The following KDM4C variants were observed in gnomAD, a reference collection of about 807,000 sequenced individuals.
KDM4C encodes lysine demethylase 4C.
In KDM4C, 81 loss-of-function variants were observed where a neutral mutation model predicts 129.3. The observed-to-expected ratio is 0.63, with a 90% CI of 0.52 to 0.75. KDM4C has a LOEUF of 0.75. Ranked by LOEUF, KDM4C falls within the 30% of genes least tolerant of loss-of-function variation. The probability of loss-of-function intolerance (pLI) is 0.00; values close to 1 mark genes in which losing one functional copy is unlikely to be tolerated. For missense variants in KDM4C, 1,457 were observed against 1,304.0 expected (o/e 1.12, Z -1.81); for synonymous variants, 573 against 456.1 (o/e 1.26, Z -3.26).
rs150456882 is a variant in KDM4C at position 7,030,601 on chromosome 9, C to G, written c.2259+14672C>G. The stretch of plus-strand genomic sequence containing the variant: ...GAAGTTTCTGTACCCTTCAATTATG[C>G]TATGAACTTAAAGTTGCTATAAAAA... On this transcript the variant is annotated intron_variant, in intron 15 of 21. Transcript: ENST00000381309. Among the ~76,000 whole-genome samples the G allele has an allele frequency of 1.5e-4, 23 of 152,158 alleles. No individual in the cohort carries two copies. The East Asian group carries it at 4.4e-3, about 29-fold the overall frequency.
chr9:7,008,921 G>A (rs78511536), intron 12 of KDM4C, among the ~76,000 whole-genome samples: 6,378 of 152,296 alleles, frequency 0.042, 312 homozygotes, highest in East Asian at 0.26. Flanking sequence ...GTCTACAAAG[G>A]TTGGAATAAG....
At chr9:7,140,055 GCATTCCTTCTCGT>G (rs1841584814) in intron 19 of KDM4C, among the ~76,000 whole-genome samples, 1 of 152,220 alleles carries the variant, frequency 6.6e-6, no homozygotes, top group African/African-American at 2.4e-5. Context: ...CTGGGGCATT[GCATTCCTTCTCGT>G]CACTCCTGAG....
chr9:6,760,259 T>C (rs1206827715), intron 1 of KDM4C, among the ~76,000 whole-genome samples: 1 of 151,924 alleles, frequency 6.6e-6, no homozygotes, highest in Non-Finnish European at 1.5e-5. Context: ...TTTTTAAGGT[T>C]CATCCATGTT....
intron 3 of KDM4C, among the ~76,000 whole-genome samples, chr9:6,812,950 C>A: frequency 6.6e-6 from 1 of 152,130 alleles, no homozygotes; most frequent in East Asian, 1.9e-4. Flanking sequence ...CCGATGCAGG[C>A]GGATCACCTG....
At chr9:6,744,395 T>A (rs189284006) in intron 1 of KDM4C, among the ~76,000 whole-genome samples, 6 of 151,914 alleles carry the variant, frequency 3.9e-5, no homozygotes, top group Non-Finnish European at 4.4e-5. Context: ...CATGGTGGCG[T>A]GCGCCTGTAA....
At chr9:7,006,353 C>T (rs1453644865) in intron 12 of KDM4C, among the ~76,000 whole-genome samples, 1 of 152,166 alleles carries the variant, frequency 6.6e-6, no homozygotes, top group African/African-American at 2.4e-5. Flanking sequence ...AGGCAGACCT[C>T]TCTGACTGTT....
chr9:6,772,271 T>C (rs1822007365), intron 1 of KDM4C, among the ~76,000 whole-genome samples: 1 of 151,986 alleles, frequency 6.6e-6, no homozygotes, highest in Non-Finnish European at 1.5e-5. Flanking sequence ...TGCCTCAGCC[T>C]CCTGAGTAGC....
At chr9:6,762,668 T>A (rs1819788016) in intron 1 of KDM4C, among the ~76,000 whole-genome samples, 1 of 149,322 alleles carries the variant, frequency 6.7e-6, no homozygotes, top group Non-Finnish European at 1.5e-5. Flanking sequence ...TTGTCTTTTT[T>A]TTTTTTTAAG....
At chr9:7,137,813 C>T (rs1841366969) in intron 19 of KDM4C, among the ~76,000 whole-genome samples, 1 of 152,208 alleles carries the variant, frequency 6.6e-6, no homozygotes, top group African/African-American at 2.4e-5. Context: ...AAATTGGTGA[C>T]ACATCCCAGA....
intron 8 of KDM4C, among the ~76,000 whole-genome samples, chr9:6,894,977 G>A (rs1175421155): frequency 6.6e-6 from 1 of 152,148 alleles, no homozygotes; most frequent in Non-Finnish European, 1.5e-5. Flanking sequence ...GTTTAGTAAG[G>A]GCTATGACTG....
rs926159663 is a variant in KDM4C, at chr9:7,024,320, T to C, written c.2259+8391T>C. Among the ~76,000 whole-genome samples the C allele has an allele frequency of 2.1e-5, 3 of 144,014 alleles. No homozygotes were observed. The East Asian group carries it at 5.9e-4, about 28-fold the overall frequency. 94.5% of individuals were successfully genotyped at this position (144,014 alleles called of 152,430 possible). A position where few individuals can be genotyped will look rare whatever the true frequency, so the allele number is the denominator to read the frequency against. On this transcript the variant is annotated intron_variant, in intron 15 of 21. Coordinates refer to ENST00000381309, the MANE Select transcript of KDM4C (RefSeq NM_015061.6). Reference sequence around the variant, plus strand: ...TTTTTTTAATTTTCTTTTCAAGGTGTTTTTTTTTTGAATTTTTAAAATTAT... The same window carrying C: ...TTTTTTTAATTTTCTTTTCAAGGTGCTTTTTTTTTGAATTTTTAAAATTAT...
chr9:7,031,464 T>C (rs1826753210), intron 15 of KDM4C, among the ~76,000 whole-genome samples: 1 of 152,132 alleles, frequency 6.6e-6, no homozygotes, highest in East Asian at 1.9e-4. Flanking sequence ...CCTGGCCAGT[T>C]TTTTTAAAAA....
chr9:6,879,983 A>T, intron 5 of KDM4C, 29 bp from the exon 6 acceptor site: 1 of 1,374,092 alleles, frequency 7.3e-7, no homozygotes. Context: ...TTATAAACCT[A>T]AAATTTTTAC....
chr9:7,120,385 G>A lies in KDM4C; in HGVS notation c.2611-7681G>A, dbSNP rs577785765. On this transcript the variant is annotated intron_variant, in intron 18 of 21. Transcript: ENST00000381309. ...CTAGAGAGTTTTCTTATAAGGGCCT[G>A]TATAATTTCCAAGTTCACACTTGAT... 3.3e-5 allele frequency among the ~76,000 whole-genome samples: 5 copies of A among 152,222 alleles called. No homozygotes were observed. The South Asian group carries it at 1.0e-3, about 32-fold the overall frequency.
chr9:6,758,274 C>T lies in KDM4C; in HGVS notation c.-18+71C>T. The T allele has an allele frequency of 1.1e-6, 1 of 911,262 alleles. No homozygotes were observed. The highest frequency in any genetic ancestry group is 1.3e-6 in the Non-Finnish European group (1 of 762,426). 56.4% of individuals were successfully genotyped at this position (911,262 alleles called of 1,614,324 possible). A position where few individuals can be genotyped will look rare whatever the true frequency, so the allele number is the denominator to read the frequency against. ...CGGAGAGGTCTTCCCGGCACTGCCC[C>T]CCTCCGCGTGGGGCACGGGGGTGCG... On this transcript the variant is annotated intron_variant, in intron 1 of 21. Transcript: ENST00000381309. This position sits in a 1 kb window ranked among gnomAD's most constrained non-coding sequence, Gnocchi z 4.6.
chr9:6,859,504 G>A (rs1428749880), intron 5 of KDM4C, among the ~76,000 whole-genome samples: 4 of 132,620 alleles, frequency 3.0e-5, no homozygotes, highest in South Asian at 2.4e-4. Context: ...AAAAGAAATC[G>A]TCTCTGGTAA....
intron 7 of KDM4C, among the ~76,000 whole-genome samples, chr9:6,889,852 G>A (rs1007591370): frequency 2.0e-5 from 3 of 152,186 alleles, no homozygotes; most frequent in Non-Finnish European, 4.4e-5. Flanking sequence ...CCCCAGGAGG[G>A]AGGCCTCTGG....
chr9:7,061,083 C>G (rs1046866648), intron 17 of KDM4C, among the ~76,000 whole-genome samples: 2 of 152,120 alleles, frequency 1.3e-5, no homozygotes, highest in Non-Finnish European at 2.9e-5. Flanking sequence ...TCAAGCATGA[C>G]CTATGACACC....
At chr9:7,156,153 T>C (rs1564188025) in intron 19 of KDM4C, among the ~76,000 whole-genome samples, 1 of 152,254 alleles carries the variant, frequency 6.6e-6, no homozygotes, top group South Asian at 2.1e-4. Flanking sequence ...ATAAGTGTCT[T>C]CTTTTGAGAA....
Sources: gnomAD v4.1 joint callset for allele counts (sites outside exome capture counted in the v4.1 genomes callset) on GRCh38, gnomAD v4.1.1 for gene constraint, Gnocchi (gnomAD v3.1) non-coding constraint, MANE v1.5 for transcripts, NCBI Gene and HGNC (gene_info 2026-07-23, HGNC 2026-07-21) for gene names.